The following PPP1R9A variants were observed in gnomAD, a reference collection of about 807,000 sequenced individuals.
PPP1R9A encodes neurabin-1.
In PPP1R9A, 59 loss-of-function variants were observed where a neutral mutation model predicts 141.9. The observed-to-expected ratio is 0.42, with a 90% confidence interval of 0.34 to 0.52. The LOEUF is 0.52. Among genes scored for constraint, PPP1R9A ranks in the 20% least tolerant of loss-of-function variants. PPP1R9A has a pLI of 0.10. For synonymous variants in PPP1R9A, 500 were observed against 569.7 expected (o/e 0.88, Z 1.74); for missense variants, 1,444 against 1,611.9 (o/e 0.90, Z 1.78).
rs188666324 is a variant in PPP1R9A at position 95,228,197 on chromosome 7, C to A, written c.2112+2081C>A. On this transcript the variant is annotated intron_variant, in intron 8 of 19. Coordinates refer to ENST00000433360, the MANE Select transcript of PPP1R9A (RefSeq NM_001166160.2). The stretch of plus-strand genomic sequence containing the variant: ...TACTACTCGGGCAAAATACATTAGA[C>A]TGACATTATCTCAATCAGTCATACT... Among the ~76,000 whole-genome samples, 3 of 152,240 alleles carry A rather than the reference C, an allele frequency of 2.0e-5. No individual in the cohort carries two copies. In the East Asian group the frequency reaches 5.8e-4, roughly 29 times the overall value.
At chr7:95,038,092 A>G (rs900194964) in intron 2 of PPP1R9A, among the ~76,000 whole-genome samples, 2 of 151,488 alleles carry the variant, frequency 1.3e-5, no homozygotes, top group African/African-American at 4.9e-5. Flanking sequence ...AGCCTGGGTG[A>G]CAGAACAAGA....
intron 14 of PPP1R9A, among the ~76,000 whole-genome samples, chr7:95,273,663 G>A (rs954584143): frequency 2.0e-5 from 3 of 152,166 alleles, no homozygotes; most frequent in Admixed American, 1.3e-4. Flanking sequence ...CCATGCAGTT[G>A]AAGCTAAAAC....
intron 16 of PPP1R9A, among the ~76,000 whole-genome samples, chr7:95,282,503 A>T (rs928665860): frequency 1.3e-5 from 2 of 152,188 alleles, no homozygotes; most frequent in Non-Finnish European, 2.9e-5. Flanking sequence ...GCCACTAGTC[A>T]TATCTTTCCC....
intron 2 of PPP1R9A, among the ~76,000 whole-genome samples, chr7:94,966,099 C>T (rs552792191): frequency 3.6e-5 from 5 of 139,766 alleles, no homozygotes; most frequent in South Asian, 2.1e-4. Flanking sequence ...TGTGAGTTCA[C>T]GTATTATTTG....
At chr7:95,029,254 G>T (rs558772025) in intron 2 of PPP1R9A, among the ~76,000 whole-genome samples, 1 of 152,278 alleles carries the variant, frequency 6.6e-6, no homozygotes, top group South Asian at 2.1e-4. Context: ...CTTTTTAAAA[G>T]ATGGTATGAA....
chr7:95,034,649 G>A (rs570345992), intron 2 of PPP1R9A, among the ~76,000 whole-genome samples: 40 of 152,156 alleles, frequency 2.6e-4, no homozygotes, highest in African/African-American at 9.2e-4. Context: ...CACCACACCC[G>A]GTCGTATTTT....
At chr7:94,963,487 CAT>C (rs1183044040) in intron 2 of PPP1R9A, among the ~76,000 whole-genome samples, 4 of 152,198 alleles carry the variant, frequency 2.6e-5, no homozygotes, top group Admixed American at 2.0e-4. Context: ...AGCTGCTAAT[CAT>C]ATGTTTTTTT....
chr7:95,290,385 A>G lies in PPP1R9A; in HGVS notation c.*82A>G. Reference sequence around the variant, plus strand: ...GCCCTGCTCTCCTCCAGAGGATGAAAAAGAAACTAAATGATAAGGGTAATG... The same window carrying G: ...GCCCTGCTCTCCTCCAGAGGATGAAGAAGAAACTAAATGATAAGGGTAATG... On this transcript the variant is annotated 3_prime_UTR_variant, in exon 20 of 20. Coordinates refer to ENST00000433360, the MANE Select transcript of PPP1R9A (RefSeq NM_001166160.2). The G allele has an allele frequency of 7.1e-7, 1 of 1,412,086 alleles. No homozygotes were observed. The highest frequency in any genetic ancestry group is 1.4e-5 in the South Asian group (1 of 71,464). 87.5% of individuals were successfully genotyped at this position (1,412,086 alleles called of 1,614,324 possible).
At chr7:94,909,086 C>T (rs1207964633) in intron 1 of PPP1R9A, among the ~76,000 whole-genome samples, 1 of 152,218 alleles carries the variant, frequency 6.6e-6, no homozygotes, top group Non-Finnish European at 1.5e-5. Flanking sequence ...AGCAAGCATG[C>T]ATTGCGTTGC....
At chr7:95,168,467 C>T (rs900359074) in intron 5 of PPP1R9A, among the ~76,000 whole-genome samples, 2 of 151,700 alleles carry the variant, frequency 1.3e-5, no homozygotes, top group Admixed American at 1.3e-4. Flanking sequence ...GGAAACACTT[C>T]AGGACATTGG....
At chr7:95,111,449 A>G in intron 3 of PPP1R9A, 58 bp downstream of exon 3, 2 of 1,462,704 alleles carry the variant, frequency 1.4e-6, no homozygotes. Context: ...ATACAGAATT[A>G]TTTTTCCAAA....
At chr7:95,022,971 A>G (rs145450878) in intron 2 of PPP1R9A, among the ~76,000 whole-genome samples, 1 of 152,146 alleles carries the variant, frequency 6.6e-6, no homozygotes, top group Non-Finnish European at 1.5e-5. Context: ...AGGTTTTGGT[A>G]TCAGGATGAT....
Position 95,182,388 on chromosome 7 carries a change from T to C in PPP1R9A, c.1755-15961T>C, listed in dbSNP as rs200837888. 8.5e-5 allele frequency among the ~76,000 whole-genome samples: 13 copies of C among 152,218 alleles called. No individual in the cohort carries two copies. The East Asian group carries it at 1.5e-3, about 18-fold the overall frequency. Reference sequence around the variant, plus strand: ...TGACACATGAGTTTTTTAATAGATATGCACGTTTATATTTGGATATACACC... The same window carrying C: ...TGACACATGAGTTTTTTAATAGATACGCACGTTTATATTTGGATATACACC... On this transcript the variant is annotated intron_variant, in intron 5 of 19. Coordinates refer to ENST00000433360, the MANE Select transcript of PPP1R9A (RefSeq NM_001166160.2).
chr7:95,260,596 C>T (rs1163288478), intron 12 of PPP1R9A, among the ~76,000 whole-genome samples: 1 of 151,330 alleles, frequency 6.6e-6, no homozygotes, highest in Non-Finnish European at 1.5e-5. Flanking sequence ...GGAGAATCAC[C>T]TGAACCCGGG....
At chr7:95,000,506 C>A (rs1802775845) in intron 2 of PPP1R9A, among the ~76,000 whole-genome samples, 1 of 151,966 alleles carries the variant, frequency 6.6e-6, no homozygotes, top group African/African-American at 2.4e-5. Flanking sequence ...TTCATGTACT[C>A]TTACTATAGC....
chr7:95,151,897 C>A (rs1584967683), intron 4 of PPP1R9A, among the ~76,000 whole-genome samples: 2 of 137,546 alleles, frequency 1.5e-5, no homozygotes, highest in South Asian at 5.0e-4. Context: ...TTATTTTTTA[C>A]ATTAATAAAG....
chr7:95,292,629 T>C lies in PPP1R9A; in HGVS notation c.*2326T>C, dbSNP rs898340110. ...GATAAATGTCCAACTGACAATGTTA[T>C]AAATCAAATTCTTATTCCTAAAATC... On this transcript the variant is annotated 3_prime_UTR_variant, in exon 20 of 20. Coordinates refer to ENST00000433360, the MANE Select transcript of PPP1R9A (RefSeq NM_001166160.2). 6.6e-6 allele frequency: 1 copy of C among 152,248 alleles called. No individual in the cohort carries two copies. The highest frequency in any genetic ancestry group is 1.5e-5 in the Non-Finnish European group (1 of 68,040). The allele number at this position is 152,248 out of a possible 1,614,324, so 9.4% of individuals were successfully genotyped here. A position where few individuals can be genotyped will look rare whatever the true frequency, so the allele number is the denominator to read the frequency against.
chr7:95,146,265 T>A (rs1382052373), intron 4 of PPP1R9A, among the ~76,000 whole-genome samples: 2 of 152,250 alleles, frequency 1.3e-5, no homozygotes, highest in East Asian at 3.8e-4. Flanking sequence ...GATGAGCTTG[T>A]TTTCATAAGT....
intron 7 of PPP1R9A, among the ~76,000 whole-genome samples, chr7:95,225,404 G>T (rs901746701): frequency 2.6e-5 from 4 of 152,118 alleles, no homozygotes; most frequent in African/African-American, 9.7e-5. Context: ...CTTGGTGCAG[G>T]CTGCAAGTTA....
Sources: gnomAD v4.1 joint callset for allele counts (sites outside exome capture counted in the v4.1 genomes callset) on GRCh38, gnomAD v4.1.1 for gene constraint, MANE v1.5 for transcripts, NCBI Gene and HGNC (gene_info 2026-07-23, HGNC 2026-07-21) for gene names.